Variants in PPP2R2B observed in about 807,000 individuals in gnomAD.
PPP2R2B encodes protein phosphatase 2 regulatory subunit Bbeta.
PPP2R2B carries 5 observed loss-of-function variants against 46.0 expected under a neutral mutation model. The observed-to-expected ratio is 0.11, with a 90% CI of 0.06 to 0.23. The LOEUF is 0.23. Ranked by LOEUF, PPP2R2B falls within the 10% of genes least tolerant of loss-of-function variation. The probability of loss-of-function intolerance (pLI) is 1.00; values close to 1 mark genes in which losing one functional copy is unlikely to be tolerated. For missense variants in PPP2R2B, 367 were observed against 575.0 expected (o/e 0.64, Z 3.70); for synonymous variants, 215 against 206.7 (o/e 1.04, Z -0.34).
rs147324562 is a variant in PPP2R2B, at chr5:146,862,416, G to C, written c.70+15586C>G. Among the ~76,000 whole-genome samples, 406 of 152,326 alleles carry C rather than the reference G, an allele frequency of 2.7e-3. 2 individuals carry two copies. The highest frequency in any genetic ancestry group is 9.3e-3 in the African/African-American group (387 of 41,588). Reference sequence around the variant, plus strand: ...GTTGGGGAGATGACGTGCAGGATCTGTGTCTTTAGATCTAGCTGTCTGAAC... The same window carrying C: ...GTTGGGGAGATGACGTGCAGGATCTCTGTCTTTAGATCTAGCTGTCTGAAC... On this transcript the variant is annotated intron_variant, in intron 2 of 9. Coordinates refer to ENST00000394411, the MANE Select transcript of PPP2R2B (RefSeq NM_181675.4).
chr5:146,634,483 T>C (rs769337237), intron 7 of PPP2R2B, among the ~76,000 whole-genome samples: 9 of 152,060 alleles, frequency 5.9e-5, no homozygotes, highest in Non-Finnish European at 1.3e-4. Flanking sequence ...TACAGGTGTG[T>C]GTCACCACAC....
chr5:146,723,644 T>C (rs1751664988), intron 2 of PPP2R2B, among the ~76,000 whole-genome samples: 1 of 152,176 alleles, frequency 6.6e-6, no homozygotes, highest in African/African-American at 2.4e-5. Context: ...CAGACCTCCT[T>C]GCCCCAGTTT....
At chr5:146,753,357 G>A (rs1753664604) in intron 2 of PPP2R2B, among the ~76,000 whole-genome samples, 1 of 152,094 alleles carries the variant, frequency 6.6e-6, no homozygotes, top group African/African-American at 2.4e-5. Flanking sequence ...CACACACAGA[G>A]AATAGACAGT....
At chr5:146,905,282 T>C (rs1238945380) in intron 1 of PPP2R2B, among the ~76,000 whole-genome samples, 1 of 152,224 alleles carries the variant, frequency 6.6e-6, no homozygotes, top group African/African-American at 2.4e-5. Flanking sequence ...GTATATTTAT[T>C]AGGAAGAAAT....
At chr5:146,662,165 A>G (rs1776715567) in intron 5 of PPP2R2B, among the ~76,000 whole-genome samples, 1 of 152,184 alleles carries the variant, frequency 6.6e-6, no homozygotes, top group South Asian at 2.1e-4. Context: ...AATATACAGA[A>G]CCAAGAAGAT....
At chr5:147,020,437 T>C (rs1367369412) in intron 1 of PPP2R2B, among the ~76,000 whole-genome samples, 2 of 152,096 alleles carry the variant, frequency 1.3e-5, no homozygotes, top group South Asian at 2.1e-4. Flanking sequence ...TTTATAAATA[T>C]GTATTGAGTG....
Position 146,878,669 on chromosome 5 carries a change from C to A in PPP2R2B, c.-203G>T. 7.8e-7 allele frequency: 1 copy of A among 1,286,440 alleles called. No individual in the cohort carries two copies. The highest frequency in any genetic ancestry group is 1.0e-6 in the Non-Finnish European group (1 of 987,352). The allele number at this position is 1,286,440 out of a possible 1,614,324, so 79.7% of individuals were successfully genotyped here. ...GTAGGGAAGCTGGCGGGGAGCTGGGCAGGGCGCTGCAGCCGGCGCCAGCGC... is the reference window on the plus strand; with the variant it reads ...GTAGGGAAGCTGGCGGGGAGCTGGGAAGGGCGCTGCAGCCGGCGCCAGCGC... On this transcript the variant is annotated 5_prime_UTR_variant, in exon 1 of 10. Transcript: ENST00000394411. The surrounding 1 kb of genome is among the most constrained non-coding windows in gnomAD (Gnocchi z 4.5).
intron 5 of PPP2R2B, among the ~76,000 whole-genome samples, chr5:146,674,821 A>G (rs1192262614): frequency 6.6e-6 from 1 of 152,186 alleles, no homozygotes. Context: ...CACTCTGTTT[A>G]GAGTAGCCCA....
chr5:147,064,782 A>G (rs1342221238), intron 2 of PPP2R2B, among the ~76,000 whole-genome samples: 1 of 152,224 alleles, frequency 6.6e-6, no homozygotes, highest in Non-Finnish European at 1.5e-5. Context: ...TGATACCAGC[A>G]CATTGAAAAA....
intron 2 of PPP2R2B, among the ~76,000 whole-genome samples, chr5:146,859,186 G>A (rs1760841626): frequency 6.6e-6 from 1 of 152,084 alleles, no homozygotes; most frequent in African/African-American, 2.4e-5. Context: ...CTGGATCTCA[G>A]TTTTCTCACT....
In PPP2R2B at chr5:146,814,713, T is replaced by TC. The variant is rs202045492; in HGVS notation, c.70+63288dup. Among the ~76,000 whole-genome samples, 40 of 152,002 alleles carry TC rather than the reference T, an allele frequency of 2.6e-4. 1 individual carries two copies. Among genetic ancestry groups the TC allele is most frequent in the African/African-American group, 8.4e-4 (35 of 41,448 alleles). The stretch of plus-strand genomic sequence containing the variant: ...TTTAGTAAACACATTGCACATGTGG[T>TC]CCCCCCCAAGTGCTGGCAGGCCACT... On this transcript the variant is annotated intron_variant, in intron 2 of 9. Transcript: ENST00000394411.
chr5:146,823,156 C>T (rs1758371199), intron 2 of PPP2R2B, among the ~76,000 whole-genome samples: 1 of 152,148 alleles, frequency 6.6e-6, no homozygotes, highest in Non-Finnish European at 1.5e-5. Context: ...CTGCATATCA[C>T]TACCTATGGT....
intron 1 of PPP2R2B, among the ~76,000 whole-genome samples, chr5:146,976,033 A>G (rs1752883314): frequency 1.3e-5 from 2 of 151,574 alleles, no homozygotes; most frequent in Admixed American, 1.3e-4. Flanking sequence ...ATCATATCCA[A>G]GAAATCATTG....
At chr5:146,662,865 A>G (rs1404167379) in intron 5 of PPP2R2B, among the ~76,000 whole-genome samples, 2 of 152,164 alleles carry the variant, frequency 1.3e-5, no homozygotes, top group Admixed American at 6.6e-5. Context: ...CAGTAAAAAT[A>G]TGGGCAAAAA....
Position 146,960,109 on chromosome 5 carries a change from G to A in PPP2R2B, c.79+95556C>T, listed in dbSNP as rs182583008. Among the ~76,000 whole-genome samples the A allele has an allele frequency of 7.9e-5, 12 of 152,192 alleles. No individual in the cohort carries two copies. The East Asian group carries it at 2.1e-3, about 27-fold the overall frequency. On this transcript the variant is annotated intron_variant, in intron 1 of 8. Coordinates refer to the PPP2R2B transcript ENST00000336640. ...ACTACATTGTTTCAGGACTTAATGA[G>A]TAGAGGTCATCTACCTCCAGCTGTG...
At chr5:146,645,004 G>C (rs979215253) in intron 6 of PPP2R2B, among the ~76,000 whole-genome samples, 3 of 152,182 alleles carry the variant, frequency 2.0e-5, no homozygotes, top group Admixed American at 1.3e-4. Flanking sequence ...GCAGGGCTGA[G>C]TATTATAAAC....
chr5:146,823,537 G>A (rs1289059157), intron 2 of PPP2R2B, among the ~76,000 whole-genome samples: 3 of 152,078 alleles, frequency 2.0e-5, no homozygotes, highest in South Asian at 4.2e-4. Flanking sequence ...CGAGCAGAAC[G>A]TGCACTGAGA....
chr5:146,972,748 A>C (rs1220694483), intron 1 of PPP2R2B, among the ~76,000 whole-genome samples: 1 of 152,110 alleles, frequency 6.6e-6, no homozygotes, highest in Non-Finnish European at 1.5e-5. Flanking sequence ...GGGAAATCTT[A>C]GTGTAATTAT....
At chr5:146,742,837 G>A (rs1309679498) in intron 2 of PPP2R2B, among the ~76,000 whole-genome samples, 1 of 152,062 alleles carries the variant, frequency 6.6e-6, no homozygotes, top group African/African-American at 2.4e-5. Context: ...CACAGAGATG[G>A]GTATGCACAC....
Sources: gnomAD v4.1 joint callset for allele counts (sites outside exome capture counted in the v4.1 genomes callset) on GRCh38, gnomAD v4.1.1 for gene constraint, Gnocchi (gnomAD v3.1) non-coding constraint, MANE v1.5 for transcripts, NCBI Gene and HGNC (gene_info 2026-07-23, HGNC 2026-07-21) for gene names.